NDUFAF5: variants seen among roughly 807,000 people sequenced by gnomAD.
NDUFAF5 encodes the protein NADH:ubiquinone oxidoreductase complex assembly factor 5.
In NDUFAF5, 34 loss-of-function variants were observed where a neutral mutation model predicts 48.9. The ratio of observed to expected loss-of-function variants is 0.70; its 90% confidence interval spans 0.53 to 0.93. The LOEUF (loss-of-function observed/expected upper bound fraction) is 0.93, where lower values mean the gene tolerates loss of function less well. Ranked by LOEUF, NDUFAF5 falls within the 40% of genes least tolerant of loss-of-function variation. The pLI is 0.00. For missense variants in NDUFAF5, 428 were observed against 427.5 expected (o/e 1.00, Z -0.01); for synonymous variants, 153 against 150.6 (o/e 1.02, Z -0.12).
At chr20:13,796,865 G>T (rs974706287) in intron 5 of NDUFAF5, among the ~76,000 whole-genome samples, 5 of 152,204 alleles carry the variant, frequency 3.3e-5, no homozygotes, top group Non-Finnish European at 5.9e-5. Flanking sequence ...TGTAATTCCA[G>T]CTGCTCGAGA....
At chr20:13,789,412 G>A (rs367710152) in intron 3 of NDUFAF5, among the ~76,000 whole-genome samples, 2 of 152,080 alleles carry the variant, frequency 1.3e-5, no homozygotes, top group South Asian at 4.1e-4. Flanking sequence ...TGATCCGCCT[G>A]TCTCGGCATC....
Position 13,785,042 on chromosome 20 carries a change from C to A in NDUFAF5, c.-27C>A. ...CGCGCTGGCGCATGCGCACAAAAAG[C>A]GCCGGCAATTGGGGTCGCAGCTGGA... On this transcript the variant is annotated 5_prime_UTR_variant, in exon 1 of 11. Transcript: ENST00000378106. 1 of 1,595,008 alleles carries A rather than the reference C, an allele frequency of 6.3e-7. No individual in the cohort carries two copies. The highest frequency in any genetic ancestry group is 8.5e-7 in the Non-Finnish European group (1 of 1,171,266).
Position 13,808,837 on chromosome 20 carries a change from A to G in NDUFAF5, c.718-5A>G, listed in dbSNP as rs1985443970. 1 of 1,546,676 alleles carries G rather than the reference A, an allele frequency of 6.5e-7. No individual in the cohort carries two copies. Among genetic ancestry groups the G allele is most frequent in the Non-Finnish European group, 8.9e-7 (1 of 1,119,284 alleles). ...AAATGAATATTTCTTTTTCTTTTTA[A>G]ATAGGACACTGATGAAATTCAAGTT... is the stretch of plus-strand genomic sequence containing the variant. On this transcript the variant is annotated splice_polypyrimidine_tract_variant and splice_region_variant and intron_variant, in intron 7 of 10. Coordinates refer to ENST00000378106, the MANE Select transcript of NDUFAF5 (RefSeq NM_024120.5).
intron 6 of NDUFAF5, among the ~76,000 whole-genome samples, chr20:13,799,425 G>A (rs564381657): frequency 1.5e-4 from 23 of 152,108 alleles, no homozygotes; most frequent in African/African-American, 5.3e-4. Flanking sequence ...TCGGCTGGGC[G>A]TGGTGGCTCA....
chr20:13,811,709 A>G (rs1985888452), intron 8 of NDUFAF5, among the ~76,000 whole-genome samples: 1 of 152,194 alleles, frequency 6.6e-6, no homozygotes, highest in South Asian at 2.1e-4. Flanking sequence ...TATATGCAAA[A>G]ATAAACTATT....
chr20:13,804,497 T>A (rs1021783211), intron 7 of NDUFAF5, among the ~76,000 whole-genome samples: 11 of 152,184 alleles, frequency 7.2e-5, no homozygotes, highest in African/African-American at 2.7e-4. Flanking sequence ...ACTTTTTTTA[T>A]TAACAGTATA....
rs551396520 is a variant in NDUFAF5 at position 13,792,982 on chromosome 20, C to G, written c.328-198C>G. ...AATGTTGAATACGCATACTCATGTTCTCTATTTTATTACATATAGTTAAAT... is the reference window on the plus strand; with the variant it reads ...AATGTTGAATACGCATACTCATGTTGTCTATTTTATTACATATAGTTAAAT... On this transcript the variant is annotated intron_variant, in intron 3 of 10. Coordinates refer to ENST00000378106, the MANE Select transcript of NDUFAF5 (RefSeq NM_024120.5). Among the ~76,000 whole-genome samples, 248 of 152,262 alleles carry G rather than the reference C, an allele frequency of 1.6e-3. 1 individual carries two copies. Among genetic ancestry groups the G allele is most frequent in the African/African-American group, 5.9e-3 (245 of 41,550 alleles).
chr20:13,800,247 T>A (rs1328918300), intron 6 of NDUFAF5, among the ~76,000 whole-genome samples: 3 of 152,120 alleles, frequency 2.0e-5, no homozygotes, highest in African/African-American at 7.2e-5. Context: ...CTTAGGTATT[T>A]GGTTTAGTAG....
intron 8 of NDUFAF5, among the ~76,000 whole-genome samples, chr20:13,809,193 T>G (rs1027563872): frequency 6.6e-6 from 1 of 152,190 alleles, no homozygotes; most frequent in Non-Finnish European, 1.5e-5. Flanking sequence ...TGTAAAAAGA[T>G]GGCGGGACTT....
At chr20:13,810,109 A>G (rs541487262) in intron 8 of NDUFAF5, among the ~76,000 whole-genome samples, 1 of 152,300 alleles carries the variant, frequency 6.6e-6, no homozygotes, top group South Asian at 2.1e-4. Context: ...GCTTGGTTAA[A>G]AAGTTGGGAG....
At chr20:13,795,031 G>A (rs958009350) in intron 5 of NDUFAF5, 90 bp downstream of exon 5, 22 of 853,296 alleles carry the variant, frequency 2.6e-5, no homozygotes, top group Non-Finnish European at 3.7e-5. Context: ...GGTGGCTCAC[G>A]CCTGTAATGC....
At chr20:13,803,438 T>C (rs2147564951) in intron 7 of NDUFAF5, 1 of 152,386 alleles carries the variant, frequency 6.6e-6, no homozygotes, top group Middle Eastern at 3.4e-3. Flanking sequence ...AGGATCATTG[T>C]ATTTATATTT....
rs1183625355 is a variant in NDUFAF5 at position 13,818,989 on chromosome 20, TA to T, written c.*1781del. The T allele has an allele frequency of 5.9e-5, 9 of 152,204 alleles. No homozygotes were observed. The East Asian group carries it at 1.7e-3, about 29-fold the overall frequency. 9.4% of individuals were successfully genotyped at this position (152,204 alleles called of 1,614,324 possible). A position where few individuals can be genotyped will look rare whatever the true frequency, so the allele number is the denominator to read the frequency against. ...TTATATGTGGATGGTGGGGTGGAGC[TA>T]AGGATTACTCTACTCTGGCTATCCC... On this transcript the variant is annotated 3_prime_UTR_variant, in exon 11 of 11. Transcript: ENST00000378106.
At chr20:13,786,302 A>G (rs1304202310) in intron 1 of NDUFAF5, among the ~76,000 whole-genome samples, 2 of 152,174 alleles carry the variant, frequency 1.3e-5, no homozygotes, top group Non-Finnish European at 2.9e-5. Context: ...GGTAATGTCT[A>G]TTATAGGAAG....
rs775976386 is a variant in NDUFAF5 at position 13,798,524 on chromosome 20, A to G, written c.519+24A>G. 14 of 1,562,482 alleles carry G rather than the reference A, an allele frequency of 9.0e-6. No homozygotes were observed. The East Asian group carries it at 2.9e-4, about 33-fold the overall frequency. On this transcript the variant is annotated intron_variant, in intron 6 of 10. Transcript: ENST00000378106. ...AGGTAAGAAAACTTATGTTCATTCAACTATCTTGTGTTATTTTCTTTATTG... is the reference window on the plus strand; with the variant it reads ...AGGTAAGAAAACTTATGTTCATTCAGCTATCTTGTGTTATTTTCTTTATTG...
intron 7 of NDUFAF5, among the ~76,000 whole-genome samples, chr20:13,802,671 CAAA>C (rs11472201): frequency 1.1e-4 from 11 of 102,862 alleles, no homozygotes; most frequent in South Asian, 3.8e-4. Flanking sequence ...ATTCCCGTCT[CAAA>C]AAAAAAAAAA....
chr20:13,817,612 T>C lies in NDUFAF5; in HGVS notation c.*402T>C, dbSNP rs1217544839. On this transcript the variant is annotated 3_prime_UTR_variant, in exon 11 of 11. Transcript: ENST00000378106. ...TCCAGAGTTATGTGGTTTTAGAATTTAGAAGAGCATGTATCTTTATTAAAT... is the reference window on the plus strand; with the variant it reads ...TCCAGAGTTATGTGGTTTTAGAATTCAGAAGAGCATGTATCTTTATTAAAT... The C allele has an allele frequency of 2.2e-6, 1 of 455,868 alleles. No homozygotes were observed. Among genetic ancestry groups the C allele is most frequent in the South Asian group, 1.6e-5 (1 of 64,506 alleles). The allele number at this position is 455,868 out of a possible 1,614,324, so 28.2% of individuals were successfully genotyped here.
At chr20:13,799,593 G>C (rs1477250420) in intron 6 of NDUFAF5, among the ~76,000 whole-genome samples, 1 of 151,914 alleles carries the variant, frequency 6.6e-6, no homozygotes, top group Non-Finnish European at 1.5e-5. Flanking sequence ...CAGCTACTTG[G>C]GATGCTGAGG....
Position 13,818,167 on chromosome 20 carries a change from T to A in NDUFAF5, c.*957T>A, listed in dbSNP as rs577220456. On this transcript the variant is annotated 3_prime_UTR_variant, in exon 11 of 11. Coordinates refer to ENST00000378106, the MANE Select transcript of NDUFAF5 (RefSeq NM_024120.5). ...CTCCTTTACTGTATTAGCAACAAGC[T>A]GTCCATGGGTGGGGGCTGTGTGTTA... The A allele has an allele frequency of 3.5e-5, 16 of 454,136 alleles. No individual in the cohort carries two copies. The highest frequency in any genetic ancestry group is 2.3e-4 in the South Asian group (15 of 64,470). 28.1% of individuals were successfully genotyped at this position (454,136 alleles called of 1,614,324 possible).
Sources: allele counts gnomAD v4.1 joint callset (sites outside exome capture counted in the v4.1 genomes callset), GRCh38; gene constraint gnomAD v4.1.1; transcripts MANE v1.5; gene names NCBI Gene and HGNC (gene_info 2026-07-23, HGNC 2026-07-21).